The following MYO10 variants were observed in gnomAD, a reference collection of about 807,000 sequenced individuals.
MYO10 encodes myosin X, also known as unconventional myosin-X.
In MYO10, 133 loss-of-function variants were observed where a neutral mutation model predicts 257.3. That is an observed-to-expected ratio of 0.52 (90% CI 0.45 to 0.60). The LOEUF (loss-of-function observed/expected upper bound fraction) is 0.60, where lower values mean the gene tolerates loss of function less well. Among genes scored for constraint, MYO10 ranks in the 20% least tolerant of loss-of-function variants. MYO10 has a pLI of 0.00. For synonymous variants in MYO10, 1,104 were observed against 1,028.6 expected, an observed-to-expected ratio of 1.07 and a Z score of -1.40; for missense variants, 2,399 against 2,635.7, an observed-to-expected ratio of 0.91 and a Z score of 1.97.
chr5:16,771,406 G>A (rs1741044666), intron 9 of MYO10, among the ~76,000 whole-genome samples: 1 of 151,448 alleles, frequency 6.6e-6, no homozygotes, highest in Admixed American at 6.6e-5. Flanking sequence ...TATATAATAT[G>A]TATATAATAC....
Position 16,685,829 on chromosome 5 carries a change from T to C in MYO10, c.3899A>G (p.Gln1300Arg). ...GACCTGACTCAGCACGCTGAACCAC[T>C]GGCTGTGGGGAAGAGAGAGCAACTG... ...LIAESPEDASQWFSVLSQVHA... is the reference protein window; with the variant it reads ...LIAESPEDASRWFSVLSQVHA... Residue 1300 changes from glutamine to arginine, a missense_variant and splice_region_variant, in exon 29 of 41, where the codon CAG becomes CGG. Physicochemically the swap from Gln to Arg is conservative, Grantham distance 43 (BLOSUM62 1). This residue lies in a region of MYO10 where 1,820 missense variants were observed against 1,939.4 expected (regional missense o/e 0.94). Transcript: ENST00000513610. The C allele has an allele frequency of 1.3e-6, 2 of 1,590,220 alleles. No homozygotes were observed. Among genetic ancestry groups the C allele is most frequent in the African/African-American group, 1.3e-5 (1 of 74,676 alleles).
chr5:16,878,795 C>T (rs1236098919), intron 1 of MYO10, among the ~76,000 whole-genome samples: 1 of 151,932 alleles, frequency 6.6e-6, no homozygotes, highest in Non-Finnish European at 1.5e-5. Context: ...GATGCAAAGG[C>T]ATAAGAATGA....
chr5:16,776,016 C>T (rs953258221), intron 9 of MYO10, among the ~76,000 whole-genome samples: 28 of 152,150 alleles, frequency 1.8e-4, no homozygotes, highest in African/African-American at 6.3e-4. Context: ...CCACCTCAGC[C>T]TCCCAAGTAG....
At chr5:16,692,684 C>A (rs1353195660) in intron 27 of MYO10, among the ~76,000 whole-genome samples, 1 of 152,050 alleles carries the variant, frequency 6.6e-6, no homozygotes, top group African/African-American at 2.4e-5. Context: ...TGGATAGCCA[C>A]CGAAAGCTCT....
Position 16,872,542 on chromosome 5 carries a change from A to T in MYO10, c.120+5067T>A, listed in dbSNP as rs188211234. On this transcript the variant is annotated intron_variant, in intron 2 of 40. Transcript: ENST00000513610. ...ATGTGATTCTTACCATAATTTTTTT[A>T]AAAAAGAAAAAAGTTAAAAGACTAA... Among the ~76,000 whole-genome samples the T allele has an allele frequency of 1.4e-4, 22 of 152,338 alleles. No homozygotes were observed. In the East Asian group the frequency reaches 3.5e-3, roughly 24 times the overall value.
intron 2 of MYO10, among the ~76,000 whole-genome samples, chr5:16,851,965 C>T (rs1481955597): frequency 7.0e-6 from 1 of 142,236 alleles, no homozygotes. Flanking sequence ...ACGGAAGAAT[C>T]GCTTGAACCT....
At chr5:16,683,242 T>C (rs80127686) in intron 30 of MYO10, among the ~76,000 whole-genome samples, 2,424 of 152,282 alleles carry the variant, frequency 0.016, 66 homozygotes, top group African/African-American at 0.055. Context: ...TGATTCTTTC[T>C]CTGGTCCGTC....
chr5:16,762,143 A>AAAAAAAATATATAT (rs370443366), intron 15 of MYO10, 30 bp from the exon 16 acceptor site: 2 of 1,055,752 alleles, frequency 1.9e-6, no homozygotes, highest in Admixed American at 3.6e-5. Context: ...AAAAAAAAAA[A>AAAAAAAATATATAT]ATACAATGCC....
intron 3 of MYO10, among the ~76,000 whole-genome samples, chr5:16,812,622 T>C (rs1220226633): frequency 6.6e-6 from 1 of 152,186 alleles, no homozygotes; most frequent in Non-Finnish European, 1.5e-5. Context: ...GATGATGCTG[T>C]AAACTTCTTC....
chr5:16,901,925 T>C (rs2126785001), intron 1 of MYO10, among the ~76,000 whole-genome samples: 1 of 152,374 alleles, frequency 6.6e-6, no homozygotes, highest in Non-Finnish European at 1.5e-5. Flanking sequence ...AAATGTCTGA[T>C]TTTGAGAAGC....
At chr5:16,745,579 T>C (rs7712627) in intron 19 of MYO10, among the ~76,000 whole-genome samples, 27,665 of 151,870 alleles carry the variant, frequency 0.18, 3,215 homozygotes, top group African/African-American at 0.29. Context: ...CTCCCAGCTA[T>C]TTGGGAGGCT....
At chr5:16,753,690 C>CA (rs893447961) in intron 19 of MYO10, among the ~76,000 whole-genome samples, 18 of 151,392 alleles carry the variant, frequency 1.2e-4, no homozygotes, top group African/African-American at 4.1e-4. Flanking sequence ...AGGCTGGTCT[C>CA]AAATTCCTGA....
intron 1 of MYO10, among the ~76,000 whole-genome samples, chr5:16,893,834 C>CT (rs1349290276): frequency 6.6e-6 from 1 of 152,056 alleles, no homozygotes; most frequent in Non-Finnish European, 1.5e-5. Context: ...CCCTCCGTCA[C>CT]TGTTACGTGC....
intron 27 of MYO10, among the ~76,000 whole-genome samples, chr5:16,691,269 C>CAA (rs35469219): frequency 7.6e-5 from 8 of 105,698 alleles, no homozygotes; most frequent in African/African-American, 2.3e-4. Context: ...GACTCCGTCT[C>CAA]AAAAAAAAAA....
intron 3 of MYO10, among the ~76,000 whole-genome samples, chr5:16,806,137 G>C (rs1415001960): frequency 6.6e-6 from 1 of 151,770 alleles, no homozygotes; most frequent in Non-Finnish European, 1.5e-5. Flanking sequence ...TTGAGGTCAG[G>C]AGTTTGAGAC....
chr5:16,936,145 C>T lies in MYO10; in HGVS notation c.-337G>A. ...GCGGGGTGCTGGCGAGCGCGGCCCC[C>T]TCCCTCTGCGCTCCGGCCGGGGGCC... On this transcript the variant is annotated 5_prime_UTR_variant, in exon 1 of 41. Transcript: ENST00000513610. 1 of 358,708 alleles carries T rather than the reference C, an allele frequency of 2.8e-6. No individual in the cohort carries two copies. The highest frequency in any genetic ancestry group is 5.1e-6 in the Non-Finnish European group (1 of 196,016). 22.2% of individuals were successfully genotyped at this position (358,708 alleles called of 1,614,324 possible). A position where few individuals can be genotyped will look rare whatever the true frequency, so the allele number is the denominator to read the frequency against.
chr5:16,847,418 C>T (rs1406652972), intron 2 of MYO10, among the ~76,000 whole-genome samples: 1 of 130,946 alleles, frequency 7.6e-6, no homozygotes, highest in Non-Finnish European at 1.6e-5. Context: ...AGCGAGACTC[C>T]ACCTCAAAAA....
Position 16,689,935 on chromosome 5 carries a change from A to T in MYO10, c.3801-16T>A. The T allele has an allele frequency of 5.7e-6, 9 of 1,573,446 alleles. No individual in the cohort carries two copies. Among genetic ancestry groups the T allele is most frequent in the Non-Finnish European group, 7.9e-6 (9 of 1,143,114 alleles). The stretch of plus-strand genomic sequence containing the variant: ...TATGATCTCTCTGCAAAGAAGCAAA[A>T]GCAACAAACGCACATCAGGAACACC... On this transcript the variant is annotated splice_polypyrimidine_tract_variant and intron_variant, in intron 27 of 40. Transcript: ENST00000513610.
At chr5:16,876,180 C>G (rs1022945065) in intron 2 of MYO10, among the ~76,000 whole-genome samples, 1 of 152,070 alleles carries the variant, frequency 6.6e-6, no homozygotes, top group Non-Finnish European at 1.5e-5. Context: ...ATTTGACTAT[C>G]TTTTATTTCC....
Sources: gnomAD v4.1 joint callset for allele counts (sites outside exome capture counted in the v4.1 genomes callset) on GRCh38, gnomAD v4.1.1 for gene constraint, gnomAD v4.1.1 regional missense constraint, MANE v1.5 for transcripts, NCBI Gene and HGNC (gene_info 2026-07-23, HGNC 2026-07-21) for gene names.